FBXO16: variants seen among roughly 807,000 people sequenced by gnomAD.
FBXO16 encodes F-box only protein 16.
Under a neutral mutation model 41.0 loss-of-function variants are expected in FBXO16, and 31 were observed. The observed-to-expected ratio is 0.76, with a 90% CI of 0.57 to 1.02. FBXO16 has a LOEUF of 1.02. Ranked by LOEUF, FBXO16 falls within the 50% of genes least tolerant of loss-of-function variation. FBXO16 has a pLI of 0.00. For missense variants in FBXO16, 361 were observed against 346.2 expected (o/e 1.04, Z -0.34); for synonymous variants, 133 against 117.8 (o/e 1.13, Z -0.84).
At chr8:28,486,039 G>C (rs1803596289) in intron 1 of FBXO16, among the ~76,000 whole-genome samples, 1 of 151,240 alleles carries the variant, frequency 6.6e-6, no homozygotes, top group Non-Finnish European at 1.5e-5. Context: ...CCAGGAGGTG[G>C]AGGTTGCAGT....
At chr8:28,468,387 A>G (rs900675667) in intron 3 of FBXO16, among the ~76,000 whole-genome samples, 15 of 152,172 alleles carry the variant, frequency 9.9e-5, no homozygotes, top group African/African-American at 3.1e-4. Flanking sequence ...CCCACCTCAC[A>G]CTGAATGGCA....
chr8:28,453,304 T>G (rs1802985986), intron 5 of FBXO16, among the ~76,000 whole-genome samples: 1 of 150,192 alleles, frequency 6.7e-6, no homozygotes, highest in African/African-American at 2.5e-5. Context: ...CATTGTCTAG[T>G]TTGTCACAAC....
At chr8:28,462,175 G>A (rs966507808) in intron 4 of FBXO16, among the ~76,000 whole-genome samples, 5 of 151,970 alleles carry the variant, frequency 3.3e-5, no homozygotes, top group African/African-American at 9.6e-5. Context: ...CCTAGGCTCA[G>A]GCAATCCTCC....
intron 4 of FBXO16, among the ~76,000 whole-genome samples, chr8:28,460,313 A>T (rs1458869480): frequency 2.4e-5 from 3 of 125,128 alleles, no homozygotes; most frequent in Non-Finnish European, 4.8e-5. Context: ...CAGAGGCATG[A>T]TCATAGCTTA....
rs796739480 is a variant in FBXO16, at chr8:28,454,590, T to C, written c.508-2114A>G. Among the ~76,000 whole-genome samples the C allele has an allele frequency of 3.3e-5, 5 of 151,308 alleles. No homozygotes were observed. The East Asian group carries it at 5.8e-4, about 18-fold the overall frequency. The stretch of plus-strand genomic sequence containing the variant: ...AAAAATACAAAAAATTAGCCGGGCA[T>C]GGTGGCAGGCGCCTGTAGTCCCAGC... On this transcript the variant is annotated intron_variant, in intron 5 of 8. Coordinates refer to ENST00000380254, the MANE Select transcript of FBXO16 (RefSeq NM_172366.4).
rs1276822691 is a variant in FBXO16, at chr8:28,449,559, G to A, written c.741-2286C>T. Among the ~76,000 whole-genome samples, 3 of 152,008 alleles carry A rather than the reference G, an allele frequency of 2.0e-5. No individual in the cohort carries two copies. In the South Asian group the frequency reaches 6.2e-4, roughly 31 times the overall value. ...ACTGGTCTCAAACTCCTAGACTCAG[G>A]TGATACTTCTGCCTCAGCCACCCAG... On this transcript the variant is annotated intron_variant, in intron 6 of 8. Transcript: ENST00000380254.
chr8:28,477,249 C>T (rs571216345), intron 2 of FBXO16, among the ~76,000 whole-genome samples: 1 of 152,142 alleles, frequency 6.6e-6, no homozygotes, highest in East Asian at 1.9e-4. Context: ...AGAAGAAAGA[C>T]AAAATTAAAA....
At chr8:28,431,628 C>T (rs575547504) in intron 7 of FBXO16, among the ~76,000 whole-genome samples, 166 of 152,300 alleles carry the variant, frequency 1.1e-3, no homozygotes, top group Middle Eastern at 3.4e-3. Flanking sequence ...ATAGACTTAA[C>T]AGCAAGAAGC....
At position 28,479,878 on chromosome 8, in the gene FBXO16, G is replaced by A. The variant is rs371747848; in HGVS notation, c.99+3470C>T. Among the ~76,000 whole-genome samples the A allele has an allele frequency of 6.1e-4, 93 of 151,344 alleles. 1 individual carries two copies. Among genetic ancestry groups the A allele is most frequent in the Middle Eastern group, 3.5e-3 (1 of 288 alleles). On this transcript the variant is annotated intron_variant, in intron 2 of 8. Coordinates refer to ENST00000380254, the MANE Select transcript of FBXO16 (RefSeq NM_172366.4). ...TGGGACCATAGGCATGCACCATCAC[G>A]CCAGGCTAATATTTTATTTTACTTT...
intron 3 of FBXO16, among the ~76,000 whole-genome samples, chr8:28,471,831 A>G (rs979435512): frequency 1.3e-5 from 2 of 149,316 alleles, no homozygotes; most frequent in Non-Finnish European, 3.0e-5. Flanking sequence ...AAAAAAAAAA[A>G]GCCCAGAGAT....
intron 4 of FBXO16, among the ~76,000 whole-genome samples, chr8:28,463,246 G>A (rs371225577): frequency 1.8e-4 from 27 of 151,554 alleles, no homozygotes; most frequent in East Asian, 1.2e-3. Flanking sequence ...TTGTGTACAC[G>A]TTTGTGTGTT....
chr8:28,486,566 A>G (rs1803606644), intron 1 of FBXO16, among the ~76,000 whole-genome samples: 1 of 151,922 alleles, frequency 6.6e-6, no homozygotes, highest in Non-Finnish European at 1.5e-5. Flanking sequence ...TGTTGCCTGT[A>G]ATCCCAGCAC....
chr8:28,465,088 A>T (rs772743405), intron 3 of FBXO16: 18 of 156,178 alleles, frequency 1.2e-4, no homozygotes, highest in African/African-American at 4.1e-4. Flanking sequence ...ACAGTTGTAC[A>T]ATGTATTTTA....
chr8:28,479,257 G>A (rs951820264), intron 2 of FBXO16, among the ~76,000 whole-genome samples: 1 of 152,110 alleles, frequency 6.6e-6, no homozygotes, highest in African/African-American at 2.4e-5. Flanking sequence ...CTGCATTCCA[G>A]CCCAACTTCT....
chr8:28,468,382 C>T (rs1160138149), intron 3 of FBXO16, among the ~76,000 whole-genome samples: 2 of 152,156 alleles, frequency 1.3e-5, no homozygotes, highest in Admixed American at 1.3e-4. Context: ...TTCCACCCAC[C>T]TCACACTGAA....
intron 1 of FBXO16, among the ~76,000 whole-genome samples, chr8:28,483,738 T>C (rs1314599589): frequency 1.3e-5 from 2 of 152,014 alleles, no homozygotes; most frequent in Admixed American, 1.3e-4. Context: ...TAATCACAGC[T>C]ACTAGGCAGG....
At chr8:28,441,218 C>A (rs1157405402) in intron 7 of FBXO16, among the ~76,000 whole-genome samples, 1 of 152,114 alleles carries the variant, frequency 6.6e-6, no homozygotes, top group African/African-American at 2.4e-5. Context: ...TACCTCTTTC[C>A]TCCCTACTCC....
intron 1 of FBXO16, among the ~76,000 whole-genome samples, chr8:28,488,925 G>A (rs1050552763): frequency 2.0e-5 from 3 of 152,116 alleles, no homozygotes; most frequent in Non-Finnish European, 4.4e-5. Context: ...CTCTGAGAAC[G>A]TGCCACACAA....
chr8:28,454,355 G>C (rs1002102490), intron 5 of FBXO16, among the ~76,000 whole-genome samples: 3 of 151,652 alleles, frequency 2.0e-5, no homozygotes, highest in African/African-American at 7.3e-5. Context: ...TAATACTGCT[G>C]GGAATAAATA....
Sources: gnomAD v4.1 joint callset for allele counts (sites outside exome capture counted in the v4.1 genomes callset) on GRCh38, gnomAD v4.1.1 for gene constraint, MANE v1.5 for transcripts, NCBI Gene and HGNC (gene_info 2026-07-23, HGNC 2026-07-21) for gene names.